The following ZNG1E variants were observed in gnomAD, a reference collection of about 807,000 sequenced individuals.
ZNG1E encodes zinc-regulated GTPase metalloprotein activator 1E.
the ZNG1E span, among the ~76,000 whole-genome samples, chr9:65,680,610 G>A: frequency 3.3e-5 from 5 of 152,336 alleles, no homozygotes; most frequent in African/African-American, 4.8e-5. Flanking sequence ...AAAACTACTC[G>A]ATTTTATGGG....
At chr9:65,714,032 T>C in the ZNG1E span, among the ~76,000 whole-genome samples, 2 of 150,424 alleles carry the variant, frequency 1.3e-5, no homozygotes, top group African/African-American at 5.0e-5. Flanking sequence ...TAGTCCCATA[T>C]TTCTTGGAGG....
At chr9:65,700,674 A>G in the ZNG1E span, 1 of 104,586 alleles carries the variant, frequency 9.6e-6, no homozygotes, top group Non-Finnish European at 1.9e-5. Context: ...CCATGGATGC[A>G]TCCTCTCAGT....
At chr9:65,676,105 AGT>A in the ZNG1E span, 1 of 1,582,942 alleles carries the variant, frequency 6.3e-7, no homozygotes, top group Non-Finnish European at 8.5e-7. Context: ...CCAAGATCCC[AGT>A]CACAATTATC....
chr9:65,668,504 TAC>T, the ZNG1E span, among the ~76,000 whole-genome samples: 2 of 150,824 alleles, frequency 1.3e-5, no homozygotes, highest in African/African-American at 2.4e-5. Context: ...TATATATACA[TAC>T]ACACACATAT....
chr9:65,660,809 C>A, the ZNG1E span, among the ~76,000 whole-genome samples: 1 of 138,770 alleles, frequency 7.2e-6, no homozygotes. Context: ...ATGCACACAT[C>A]TGTGGTTGTG....
the ZNG1E span, chr9:65,682,435 T>C: frequency 4.1e-6 from 1 of 241,908 alleles, no homozygotes; most frequent in African/African-American, 2.4e-5. Context: ...CTATAGTTAA[T>C]AAATTTTATC....
the ZNG1E span, among the ~76,000 whole-genome samples, chr9:65,698,993 T>A: frequency 1.4e-5 from 2 of 146,038 alleles, no homozygotes; most frequent in Admixed American, 1.4e-4. Context: ...TTCAAGCGAT[T>A]CTCCTGCCTC....
chr9:65,703,750 A>G, the ZNG1E span: 750,620 of 885,370 alleles, frequency 0.85, 329,510 homozygotes, highest in South Asian at 0.92. Context: ...GAGGCCTTAG[A>G]TGAGTGGCTT....
At chr9:65,674,030 T>C in the ZNG1E span, among the ~76,000 whole-genome samples, 2 of 152,164 alleles carry the variant, frequency 1.3e-5, no homozygotes. Context: ...CTTCATAGCA[T>C]TCCTGAAACG....
chr9:65,658,008 A>T, the ZNG1E span, among the ~76,000 whole-genome samples: 2 of 152,216 alleles, frequency 1.3e-5, no homozygotes, highest in Admixed American at 1.3e-4. Flanking sequence ...CTGAGGCAGG[A>T]GAATCACTTG....
the ZNG1E span, among the ~76,000 whole-genome samples, chr9:65,655,701 TC>T: frequency 1.3e-5 from 2 of 149,428 alleles, no homozygotes; most frequent in East Asian, 2.0e-4. Context: ...TCTCAGATGA[TC>T]CGCCTGCCTT....
the ZNG1E span, chr9:65,679,692 C>G: frequency 8.3e-6 from 2 of 239,798 alleles, no homozygotes; most frequent in African/African-American, 4.7e-5. Context: ...GTAGCTGGGA[C>G]TACAGGCATG....
the ZNG1E span, among the ~76,000 whole-genome samples, chr9:65,659,191 C>A: frequency 6.6e-6 from 1 of 152,146 alleles, no homozygotes; most frequent in African/African-American, 2.4e-5. Context: ...CAGAGCAGTG[C>A]CTACCACATT....
chr9:65,721,957 CAGA>C, the ZNG1E span, among the ~76,000 whole-genome samples: 2 of 148,848 alleles, frequency 1.3e-5, no homozygotes. Flanking sequence ...GTCTCTCTAA[CAGA>C]AGACCAACTA....
the ZNG1E span, among the ~76,000 whole-genome samples, chr9:65,684,548 A>ACG: frequency 1.5e-5 from 1 of 66,762 alleles, no homozygotes; most frequent in East Asian, 5.0e-4. Context: ...ACACACACGC[A>ACG]CGCACACACA....
At chr9:65,677,468 A>G in the ZNG1E span, among the ~76,000 whole-genome samples, 1 of 152,248 alleles carries the variant, frequency 6.6e-6, no homozygotes, top group Non-Finnish European at 1.5e-5. Flanking sequence ...ACACCTGTGT[A>G]ATTTCTATTT....
chr9:65,685,181 G>T, the ZNG1E span, among the ~76,000 whole-genome samples: 7 of 152,352 alleles, frequency 4.6e-5, no homozygotes, highest in South Asian at 1.4e-3. Context: ...AATCATCTCA[G>T]CTTTCAGCAA....
At chr9:65,678,443 A>G in the ZNG1E span, among the ~76,000 whole-genome samples, 3 of 141,252 alleles carry the variant, frequency 2.1e-5, no homozygotes, top group East Asian at 3.9e-4. Flanking sequence ...GTTATATACT[A>G]GAAAACTTTA....
chr9:65,668,097 C>T, the ZNG1E span, among the ~76,000 whole-genome samples: 1 of 148,052 alleles, frequency 6.8e-6, no homozygotes, highest in Non-Finnish European at 1.5e-5. Flanking sequence ...CAGAACAAAG[C>T]CTATGTATGT....
Sources: allele counts gnomAD v4.1 joint callset (sites outside exome capture counted in the v4.1 genomes callset), GRCh38; gene constraint gnomAD v4.1.1; transcripts MANE v1.5; gene names NCBI Gene and HGNC (gene_info 2026-07-23, HGNC 2026-07-21).